Variants in CEP112 observed in about 807,000 individuals in gnomAD.
CEP112 encodes centrosomal protein 112, also known as centrosomal protein of 112 kDa.
Under a neutral mutation model 153.0 loss-of-function variants are expected in CEP112, and 127 were observed. The observed-to-expected ratio is 0.83, with a 90% confidence interval of 0.72 to 0.96. The LOEUF is 0.96. Ranked by LOEUF, CEP112 falls within the 40% of genes least tolerant of loss-of-function variation. The pLI is 0.00. For missense variants in CEP112, 1,089 were observed against 1,101.2 expected (o/e 0.99, Z 0.16); for synonymous variants, 358 against 374.4 (o/e 0.96, Z 0.51).
At chr17:65,869,632 T>A (rs1012362981) in intron 20 of CEP112, among the ~76,000 whole-genome samples, 4 of 147,168 alleles carry the variant, frequency 2.7e-5, no homozygotes, top group East Asian at 2.0e-4. Context: ...CAGGCTGGAG[T>A]GCAGTGGTGT....
intron 20 of CEP112, among the ~76,000 whole-genome samples, chr17:65,901,823 A>G (rs866129879): frequency 1.3e-5 from 2 of 151,990 alleles, no homozygotes; most frequent in Admixed American, 6.6e-5. Flanking sequence ...GGGATTTGCT[A>G]AGGCTGAAGG....
chr17:66,057,259 A>G (rs1271240971), intron 11 of CEP112, among the ~76,000 whole-genome samples: 2 of 152,202 alleles, frequency 1.3e-5, no homozygotes, highest in Non-Finnish European at 1.5e-5. Context: ...AGTGGTAGAT[A>G]CATTCAAAAG....
intron 18 of CEP112, among the ~76,000 whole-genome samples, chr17:65,930,034 G>A (rs1256429396): frequency 6.6e-6 from 1 of 152,084 alleles, no homozygotes; most frequent in Non-Finnish European, 1.5e-5. Flanking sequence ...TGCACATTTG[G>A]GTATAACTTA....
chr17:66,092,576 A>G lies in CEP112; in HGVS notation c.768+3675T>C, dbSNP rs532430177. Among the ~76,000 whole-genome samples, 63 of 152,296 alleles carry G rather than the reference A, an allele frequency of 4.1e-4. No homozygotes were observed. The Middle Eastern group carries it at 0.01, about 25-fold the overall frequency. On this transcript the variant is annotated intron_variant, in intron 8 of 26. Coordinates refer to ENST00000535342, the MANE Select transcript of CEP112 (RefSeq NM_001199165.4). Reference sequence around the variant, plus strand: ...TACACAAGAAAACAACAAGAAAGGAAAATTATAGGCCAATATTAAGGATGA... The same window carrying G: ...TACACAAGAAAACAACAAGAAAGGAGAATTATAGGCCAATATTAAGGATGA...
chr17:65,751,997 TCTATCTA>T (rs1281929908), intron 21 of CEP112, among the ~76,000 whole-genome samples: 8 of 123,812 alleles, frequency 6.5e-5, no homozygotes, highest in African/African-American at 2.1e-4. Flanking sequence ...TATCTATCTA[TCTATCTA>T]CTGTTCCTTT....
At chr17:65,730,558 G>A (rs1014359980) in intron 23 of CEP112, among the ~76,000 whole-genome samples, 7 of 152,188 alleles carry the variant, frequency 4.6e-5, no homozygotes, top group African/African-American at 9.6e-5. Flanking sequence ...TGTGCCCTAC[G>A]GACGTGCATA....
intron 21 of CEP112, among the ~76,000 whole-genome samples, chr17:65,787,195 T>G (rs2054326086): frequency 6.6e-6 from 1 of 152,198 alleles, no homozygotes; most frequent in Admixed American, 6.5e-5. Context: ...CTCTTGGGCC[T>G]TAGGCCAGGC....
intron 20 of CEP112, among the ~76,000 whole-genome samples, chr17:65,870,558 T>A (rs2058640850): frequency 6.6e-6 from 1 of 152,174 alleles, no homozygotes; most frequent in Non-Finnish European, 1.5e-5. Context: ...AGTAGAAACA[T>A]TCCAGTTGAG....
chr17:65,706,010 G>T (rs549698000), intron 23 of CEP112, among the ~76,000 whole-genome samples: 4 of 152,114 alleles, frequency 2.6e-5, no homozygotes, highest in African/African-American at 9.7e-5. Flanking sequence ...AAGAATGAGG[G>T]GGAAATGACA....
intron 18 of CEP112, among the ~76,000 whole-genome samples, chr17:65,958,543 G>C (rs1212630172): frequency 1.9e-5 from 1 of 51,340 alleles, no homozygotes; most frequent in South Asian, 1.7e-3. Flanking sequence ...TCCAATGTTG[G>C]AGCAAAGTTA....
intron 16 of CEP112, among the ~76,000 whole-genome samples, chr17:66,009,700 C>A (rs565420937): frequency 8.5e-5 from 13 of 152,306 alleles, no homozygotes; most frequent in Admixed American, 5.2e-4. Context: ...GTTATCCCAG[C>A]ACCATTCATT....
intron 17 of CEP112, among the ~76,000 whole-genome samples, chr17:65,967,295 T>C (rs774331807): frequency 1.3e-5 from 2 of 152,224 alleles, no homozygotes; most frequent in Admixed American, 6.5e-5. Context: ...GATATGGATG[T>C]CAGCTAGGAC....
chr17:65,757,726 C>A (rs964297972), intron 21 of CEP112, among the ~76,000 whole-genome samples: 4 of 152,128 alleles, frequency 2.6e-5, no homozygotes, highest in African/African-American at 9.7e-5. Flanking sequence ...AATTCCTGAA[C>A]CCCTCTTATA....
chr17:65,879,304 A>C (rs2058968213), intron 20 of CEP112, among the ~76,000 whole-genome samples: 1 of 152,214 alleles, frequency 6.6e-6, no homozygotes, highest in South Asian at 2.1e-4. Flanking sequence ...ATAGGGCTGC[A>C]AGCAGGAATG....
intron 12 of CEP112, among the ~76,000 whole-genome samples, chr17:66,035,477 C>G (rs1332081520): frequency 6.6e-6 from 1 of 152,006 alleles, no homozygotes. Flanking sequence ...GAAACTGGTA[C>G]CCTTGTGCAC....
chr17:66,130,700 CG>C (rs1438611073), intron 5 of CEP112, among the ~76,000 whole-genome samples: 1 of 140,588 alleles, frequency 7.1e-6, no homozygotes, highest in Non-Finnish European at 1.5e-5. Context: ...GGTGTGAACC[CG>C]GGAGGTGGAG....
At chr17:66,115,154 A>C (rs1386067870) in intron 6 of CEP112, among the ~76,000 whole-genome samples, 1 of 152,098 alleles carries the variant, frequency 6.6e-6, no homozygotes, top group Non-Finnish European at 1.5e-5. Context: ...GCAGTGAGCC[A>C]AGATCATGCC....
At chr17:65,641,863 C>A (rs2045155037) in intron 24 of CEP112, among the ~76,000 whole-genome samples, 1 of 152,052 alleles carries the variant, frequency 6.6e-6, no homozygotes, top group African/African-American at 2.4e-5. Flanking sequence ...TGTCTCCGAC[C>A]CTCTTTGACA....
At chr17:66,118,570 T>A (rs748762254) in intron 6 of CEP112, among the ~76,000 whole-genome samples, 1 of 151,994 alleles carries the variant, frequency 6.6e-6, no homozygotes, top group Non-Finnish European at 1.5e-5. Context: ...GGAGGGGTAG[T>A]GGGGAGTGAG....
Sources: allele counts gnomAD v4.1 joint callset (sites outside exome capture counted in the v4.1 genomes callset), GRCh38; gene constraint gnomAD v4.1.1; transcripts MANE v1.5; gene names NCBI Gene and HGNC (gene_info 2026-07-23, HGNC 2026-07-21).